The following DMD variants were observed in gnomAD, a reference collection of about 807,000 sequenced individuals.
DMD encodes dystrophin, also known as mutant dystrophin.
A neutral mutation model predicts 330.1 loss-of-function variants in DMD; 63 were observed. The observed-to-expected ratio is 0.19, with a 90% CI of 0.16 to 0.24. DMD has a LOEUF of 0.24. DMD is among the 10% of genes least tolerant of loss of function. The pLI is 1.00. For missense variants in DMD, 3,344 were observed against 2,684.1 expected (o/e 1.25, Z -5.43); for synonymous variants, 1,223 against 959.8 (o/e 1.27, Z -5.07).
chrX:31,793,058 G>T (rs764308376), intron 50 of DMD, among the ~76,000 whole-genome samples: 1 of 111,162 alleles, frequency 9.0e-6, no homozygotes, highest in East Asian at 2.8e-4. Context: ...GGGGTGGCAA[G>T]TAATCTTCCC....
intron 34 of DMD, among the ~76,000 whole-genome samples, chrX:32,374,089 C>G (rs778057190): frequency 9.0e-6 from 1 of 110,920 alleles, no homozygotes; most frequent in African/African-American, 3.3e-5. Context: ...GCTCATTGGC[C>G]GCTTGTATGT....
At chrX:32,456,597 T>C (rs2098359413) in intron 25 of DMD, among the ~76,000 whole-genome samples, 1 of 103,097 alleles carries the variant, frequency 9.7e-6, no homozygotes, top group Admixed American at 1.1e-4. Flanking sequence ...TGTGTGTGTG[T>C]GTGTGTGTGT....
intron 55 of DMD, among the ~76,000 whole-genome samples, chrX:31,591,154 G>A (rs1480519284): frequency 9.0e-6 from 1 of 111,216 alleles, no homozygotes; most frequent in Non-Finnish European, 1.9e-5. Context: ...GGGTATATTG[G>A]GTTATATACA....
chrX:33,087,640 A>T (rs778316183), intron 1 of DMD, among the ~76,000 whole-genome samples: 2 of 112,050 alleles, frequency 1.8e-5, no homozygotes, highest in Non-Finnish European at 3.8e-5. Context: ...GCCATGTGAT[A>T]GCTGTGTGAC....
chrX:33,097,243 A>G (rs1345181489), intron 1 of DMD, among the ~76,000 whole-genome samples: 2 of 110,020 alleles, frequency 1.8e-5, no homozygotes, highest in South Asian at 7.7e-4. Context: ...TTAAAGCAAT[A>G]ACACAAGCAT....
At chrX:31,192,060 G>A (rs2042423201) in intron 67 of DMD, among the ~76,000 whole-genome samples, 1 of 112,251 alleles carries the variant, frequency 8.9e-6, no homozygotes, top group South Asian at 3.7e-4. Context: ...ACTGTTCCCT[G>A]ATCTGTTATT....
chrX:32,584,601 G>C (rs144607374), intron 13 of DMD, among the ~76,000 whole-genome samples: 93 of 112,123 alleles, frequency 8.3e-4, no homozygotes, highest in African/African-American at 2.8e-3. Flanking sequence ...AATTAATAAA[G>C]TAATGCTATA....
rs761069560 is a variant in DMD, at chrX:32,653,753, T to C, written c.961-8601A>G. Among the ~76,000 whole-genome samples, 4 of 111,957 alleles carry C rather than the reference T, an allele frequency of 3.6e-5. No homozygotes were observed. In the East Asian group the frequency reaches 8.4e-4, roughly 24 times the overall value. ...AATCTATAAATTACCTTGGGCAGTA[T>C]GGCCATTTTCACAATATTGATTCTT... On this transcript the variant is annotated intron_variant, in intron 9 of 78. Transcript: ENST00000357033.
chrX:33,030,830 G>T (rs2094097392), intron 1 of DMD, among the ~76,000 whole-genome samples: 1 of 110,798 alleles, frequency 9.0e-6, no homozygotes, highest in Non-Finnish European at 1.9e-5. Flanking sequence ...TATTTTTATG[G>T]GTTGCAAAAT....
At chrX:32,326,262 C>A (rs187408558) in intron 41 of DMD, among the ~76,000 whole-genome samples, 1 of 111,932 alleles carries the variant, frequency 8.9e-6, no homozygotes, top group East Asian at 2.8e-4. Flanking sequence ...ATTTCATATA[C>A]CTGCAATAAA....
At chrX:33,115,869 G>C (rs2095380306) in intron 1 of DMD, among the ~76,000 whole-genome samples, 1 of 109,705 alleles carries the variant, frequency 9.1e-6, no homozygotes, top group Admixed American at 9.8e-5. Flanking sequence ...CATATTATTT[G>C]ATGCTCAATG....
chrX:31,268,214 C>T lies in DMD; in HGVS notation c.9225-7198G>A, dbSNP rs752482321. On this transcript the variant is annotated intron_variant, in intron 62 of 78. Transcript: ENST00000357033. The stretch of plus-strand genomic sequence containing the variant: ...CTTCTTTTGAAATAATCCTTTTCTG[C>T]TCAACATTTTTCCCCCTAGAATGTT... 3.2e-3 allele frequency among the ~76,000 whole-genome samples: 357 copies of T among 111,990 alleles called. 1 individual carries two copies. Among genetic ancestry groups the T allele is most frequent in the Middle Eastern group, 0.014 (3 of 217 alleles).
chrX:32,013,036 T>G (rs2095724609), intron 44 of DMD, among the ~76,000 whole-genome samples: 1 of 109,671 alleles, frequency 9.1e-6, no homozygotes, highest in Non-Finnish European at 1.9e-5. Flanking sequence ...AATATTTTTT[T>G]CTCCATGAAG....
At chrX:32,379,517 T>C (rs1267316904) in intron 34 of DMD, among the ~76,000 whole-genome samples, 1 of 111,823 alleles carries the variant, frequency 8.9e-6, no homozygotes, top group East Asian at 2.8e-4. Context: ...CCTGAATAAC[T>C]ATAATTCAAT....
chrX:32,086,012 A>C lies in DMD; in HGVS notation c.6439-117498T>G, dbSNP rs539171614. Among the ~76,000 whole-genome samples, 35 of 112,313 alleles carry C rather than the reference A, an allele frequency of 3.1e-4. No homozygotes were observed. The South Asian group carries it at 0.012, about 39-fold the overall frequency. On this transcript the variant is annotated intron_variant, in intron 44 of 78. Transcript: ENST00000357033. ...GGAATATTATGCAGCCCATAAAATG[A>C]TTGTTTAATAACTACACACAAGAGA...
chrX:31,353,791 T>C (rs1433190115), intron 60 of DMD, among the ~76,000 whole-genome samples: 1 of 111,666 alleles, frequency 9.0e-6, no homozygotes, highest in Non-Finnish European at 1.9e-5. Flanking sequence ...GAAGTGAGAC[T>C]AAAAGGGGTA....
chrX:32,647,418 C>T (rs1443633977), intron 9 of DMD, among the ~76,000 whole-genome samples: 1 of 111,311 alleles, frequency 9.0e-6, no homozygotes, highest in Non-Finnish European at 1.9e-5. Flanking sequence ...TGCTGGCAGC[C>T]CTGGGAGATA....
intron 2 of DMD, among the ~76,000 whole-genome samples, chrX:32,963,112 T>C (rs1426530156): frequency 1.8e-5 from 2 of 111,645 alleles, no homozygotes; most frequent in Non-Finnish European, 3.8e-5. Flanking sequence ...CATACACACA[T>C]ATACACGCAT....
intron 1 of DMD, among the ~76,000 whole-genome samples, chrX:33,196,063 T>C (rs1228564537): frequency 1.8e-5 from 2 of 110,899 alleles, no homozygotes; most frequent in African/African-American, 6.6e-5. Context: ...AGAATACATA[T>C]TGGGGCCCCA....
Sources: allele counts gnomAD v4.1 joint callset (sites outside exome capture counted in the v4.1 genomes callset), GRCh38; gene constraint gnomAD v4.1.1; transcripts MANE v1.5; gene names NCBI Gene and HGNC (gene_info 2026-07-23, HGNC 2026-07-21).